Variants in INTS12 observed in about 807,000 individuals in gnomAD.
INTS12 encodes the protein PHD finger protein 22.
In INTS12, 13 loss-of-function variants were observed where a neutral mutation model predicts 41.6. That is an observed-to-expected ratio of 0.31 (90% CI 0.20 to 0.50). The LOEUF (loss-of-function observed/expected upper bound fraction) is 0.50. Among genes scored for constraint, INTS12 ranks in the 20% least tolerant of loss-of-function variants. The probability of loss-of-function intolerance (pLI) is 0.98; values close to 1 mark genes in which losing one functional copy is unlikely to be tolerated. For missense variants in INTS12, 432 were observed against 541.6 expected (o/e 0.80, Z 2.01); for synonymous variants, 199 against 191.4 (o/e 1.04, Z -0.33).
At chr4:105,693,577 T>G (rs1328063411) in intron 4 of INTS12, 91 bp from the exon 5 acceptor site, 2 of 1,001,742 alleles carry the variant, frequency 2.0e-6, no homozygotes, top group Non-Finnish European at 3.0e-6. Flanking sequence ...CAATTGGCAA[T>G]GAACAAGTCC....
chr4:105,687,076 G>A, intron 6 of INTS12: 1 of 472,956 alleles, frequency 2.1e-6, no homozygotes, highest in Non-Finnish European at 3.7e-6. Flanking sequence ...ATACAGAAGA[G>A]GGTTAGTTAA....
At chr4:105,705,288 A>C (rs566065239) in intron 1 of INTS12, 1 of 152,384 alleles carries the variant, frequency 6.6e-6, no homozygotes, top group East Asian at 1.9e-4. Flanking sequence ...CCTCATGAGA[A>C]TCTAATGCCT....
intron 1 of INTS12, chr4:105,706,339 C>G (rs1036435762): frequency 6.7e-6 from 1 of 149,800 alleles, no homozygotes; most frequent in African/African-American, 2.5e-5. Flanking sequence ...ACTGCAGCCT[C>G]GAACTCCTGG....
chr4:105,697,446 T>C (rs1407587909), intron 3 of INTS12, among the ~76,000 whole-genome samples: 1 of 152,142 alleles, frequency 6.6e-6, no homozygotes, highest in Non-Finnish European at 1.5e-5. Flanking sequence ...GAAGGAGGAA[T>C]GGGTCCTCAG....
intron 6 of INTS12, among the ~76,000 whole-genome samples, chr4:105,688,246 C>T (rs761972211): frequency 1.3e-5 from 2 of 152,074 alleles, no homozygotes; most frequent in Non-Finnish European, 2.9e-5. Context: ...AGATGCTTCC[C>T]GCCAGCCATT....
intron 3 of INTS12, among the ~76,000 whole-genome samples, chr4:105,698,047 C>T (rs1344327905): frequency 6.6e-6 from 1 of 152,038 alleles, no homozygotes; most frequent in East Asian, 1.9e-4. Context: ...GAGACCCTGT[C>T]TCAACAAAAA....
At chr4:105,686,247 C>T (rs2149177460) in intron 7 of INTS12, among the ~76,000 whole-genome samples, 1 of 152,164 alleles carries the variant, frequency 6.6e-6, no homozygotes, top group African/African-American at 2.4e-5. Flanking sequence ...CATCACCACC[C>T]CTGGCTAATT....
chr4:105,692,342 G>T (rs552127986), intron 5 of INTS12, among the ~76,000 whole-genome samples: 4 of 151,630 alleles, frequency 2.6e-5, no homozygotes, highest in Non-Finnish European at 5.9e-5. Flanking sequence ...AAATCAGCTG[G>T]GCATGGTGGT....
At chr4:105,691,933 ACATT>A (rs1731701979) in intron 6 of INTS12, 39 bp downstream of exon 6, 2 of 1,417,926 alleles carry the variant, frequency 1.4e-6, no homozygotes, top group African/African-American at 2.9e-5. Context: ...ACCAACAAAA[ACATT>A]GACAGACTGT....
intron 1 of INTS12, chr4:105,706,522 T>C (rs969239683): frequency 6.6e-6 from 1 of 152,198 alleles, no homozygotes; most frequent in Non-Finnish European, 1.5e-5. Context: ...AGTGCTGGGA[T>C]TACAAGTGCG....
intron 2 of INTS12, among the ~76,000 whole-genome samples, chr4:105,701,687 G>A (rs777297165): frequency 6.6e-6 from 1 of 151,802 alleles, no homozygotes; most frequent in Non-Finnish European, 1.5e-5. Context: ...TCTTTCTACT[G>A]ATTTTATTTC....
intron 3 of INTS12, among the ~76,000 whole-genome samples, chr4:105,696,363 A>T (rs1486943840): frequency 6.6e-6 from 1 of 152,118 alleles, no homozygotes; most frequent in South Asian, 2.1e-4. Flanking sequence ...ATCATCAGGC[A>T]TATAGAAAAA....
intron 3 of INTS12, 64 bp downstream of exon 3, chr4:105,699,786 T>A: frequency 3.6e-6 from 4 of 1,110,282 alleles, no homozygotes; most frequent in Non-Finnish European, 4.9e-6. Context: ...ATGGTCTATA[T>A]GTTATCAATG....
rs193119627 is a variant in INTS12, at chr4:105,689,370, C to T, written c.658-2532G>A. The stretch of plus-strand genomic sequence containing the variant: ...AACCAATGCACATATGAGAATCTCA[C>T]TCAAAGCAATTATAGTTAGAATGAC... On this transcript the variant is annotated intron_variant, in intron 6 of 7. Transcript: ENST00000340139. Among the ~76,000 whole-genome samples the T allele has an allele frequency of 4.5e-4, 68 of 152,328 alleles. No individual in the cohort carries two copies. In the East Asian group the frequency reaches 0.01, roughly 22 times the overall value.
rs562648203 is a variant in INTS12 at position 105,697,705 on chromosome 4, G to A, written c.157-2037C>T. ...TTTATAAAGTCTGTTGATCACTGGT[G>A]TAGACTTAGTAAAGTGTTGAAGAAA... On this transcript the variant is annotated intron_variant, in intron 3 of 7. Coordinates refer to ENST00000340139, the MANE Select transcript of INTS12 (RefSeq NM_020395.4). Among the ~76,000 whole-genome samples the A allele has an allele frequency of 2.0e-5, 3 of 152,266 alleles. No homozygotes were observed. In the East Asian group the frequency reaches 5.8e-4, roughly 29 times the overall value.
intron 1 of INTS12, among the ~76,000 whole-genome samples, chr4:105,704,129 G>A (rs1278122983): frequency 2.7e-5 from 4 of 149,796 alleles, no homozygotes; most frequent in Non-Finnish European, 5.9e-5. Flanking sequence ...ATATGCTTTT[G>A]TACTCTTTTT....
rs567378918 is a variant in INTS12, at chr4:105,708,629, A to G, written c.-172+9T>C. 24 of 984,052 alleles carry G rather than the reference A, an allele frequency of 2.4e-5. No individual in the cohort carries two copies. Among genetic ancestry groups the G allele is most frequent in the Middle Eastern group, 1.0e-3 (2 of 1,914 alleles). 61.0% of individuals were successfully genotyped at this position (984,052 alleles called of 1,614,324 possible). A position where few individuals can be genotyped will look rare whatever the true frequency, so the allele number is the denominator to read the frequency against. ...GAGGCCAGGAGCAGAGTCGCTCAGC[A>G]TAACTCACCGTTCCGCCCCGCCCTG... On this transcript the variant is annotated intron_variant, in intron 1 of 7. Transcript: ENST00000340139.
At chr4:105,684,984 T>C (rs1731452877) in intron 7 of INTS12, among the ~76,000 whole-genome samples, 1 of 152,110 alleles carries the variant, frequency 6.6e-6, no homozygotes. Context: ...GGATGACAGA[T>C]GGTTTATAAT....
intron 1 of INTS12, among the ~76,000 whole-genome samples, chr4:105,706,929 T>C (rs1732288409): frequency 6.6e-6 from 1 of 152,124 alleles, no homozygotes; most frequent in African/African-American, 2.4e-5. Flanking sequence ...TGAATTTTCC[T>C]GAAACCCAGT....
Sources: gnomAD v4.1 joint callset for allele counts (sites outside exome capture counted in the v4.1 genomes callset) on GRCh38, gnomAD v4.1.1 for gene constraint, MANE v1.5 for transcripts, NCBI Gene and HGNC (gene_info 2026-07-23, HGNC 2026-07-21) for gene names.